The following SLC44A2 variants were observed in gnomAD, a reference collection of about 807,000 sequenced individuals.
The protein encoded by SLC44A2 is solute carrier family 44 member 2 (CTL2 blood group).
In SLC44A2, 57 loss-of-function variants were observed where a neutral mutation model predicts 90.8. The ratio of observed to expected loss-of-function variants is 0.63; its 90% CI spans 0.51 to 0.78. SLC44A2 has a LOEUF of 0.78. Among genes scored for constraint, SLC44A2 ranks in the 30% least tolerant of loss-of-function variants. SLC44A2 has a pLI of 0.00. For synonymous variants in SLC44A2, 355 were observed against 360.7 expected, an observed-to-expected ratio of 0.98 and a Z score of 0.18; for missense variants, 794 against 919.7, an observed-to-expected ratio of 0.86 and a Z score of 1.77.
At chr19:10,634,637 G>A in intron 10 of SLC44A2, 119 bp from the exon 11 acceptor site, 1 of 1,458,134 alleles carries the variant, frequency 6.9e-7, no homozygotes. Flanking sequence ...GGAACTGCAA[G>A]TGTAAAGTCC....
intron 16 of SLC44A2, 108 bp from the exon 17 acceptor site, chr19:10,637,536 G>T: frequency 2.0e-6 from 2 of 982,968 alleles, no homozygotes; most frequent in Non-Finnish European, 1.6e-6. Context: ...TGACAGCGTG[G>T]ACTCAGGAGA....
At chr19:10,630,757 A>G (rs902981345) in intron 4 of SLC44A2, among the ~76,000 whole-genome samples, 4 of 151,680 alleles carry the variant, frequency 2.6e-5, no homozygotes, top group Admixed American at 2.6e-4. Context: ...TAATACCAAC[A>G]CTTTGGGAGG....
chr19:10,623,780 C>T (rs954134260), upstream of SLC44A2, among the ~76,000 whole-genome samples: 12 of 151,740 alleles, frequency 7.9e-5, no homozygotes, highest in Non-Finnish European at 1.3e-4. Flanking sequence ...ACCTCTACCT[C>T]CCAGGTTCAA....
chr19:10,616,787 G>T (rs2066858609), intron 1 of SLC44A2, among the ~76,000 whole-genome samples: 1 of 152,030 alleles, frequency 6.6e-6, no homozygotes, highest in Non-Finnish European at 1.5e-5. Context: ...CTGTTGCCAA[G>T]GCTGTAGTAC....
upstream of SLC44A2, among the ~76,000 whole-genome samples, chr19:10,621,069 T>C (rs8112355): frequency 0.82 from 124,883 of 152,034 alleles, 51,447 homozygotes; most frequent in African/African-American, 0.89. Context: ...GTCATAGGGG[T>C]CAGGTATAGT....
chr19:10,641,588 C>T (rs1328896034), intron 20 of SLC44A2, among the ~76,000 whole-genome samples: 1 of 152,068 alleles, frequency 6.6e-6, no homozygotes, highest in Non-Finnish European at 1.5e-5. Context: ...TGCAGTGGCT[C>T]ATACCTGTAG....
intron 4 of SLC44A2, among the ~76,000 whole-genome samples, chr19:10,629,300 G>A (rs1365153628): frequency 1.2e-4 from 5 of 43,042 alleles, no homozygotes; most frequent in South Asian, 1.4e-3. Flanking sequence ...ATTTTGAAAC[G>A]GAATTTTGCT....
intron 21 of SLC44A2, chr19:10,642,990 A>C: frequency 6.4e-7 from 1 of 1,571,688 alleles, no homozygotes; most frequent in Non-Finnish European, 8.6e-7. Flanking sequence ...AGTGCGGAGG[A>C]GGGGAAGCGG....
chr19:10,625,621 G>C lies in SLC44A2; in HGVS notation c.-13G>C. 8.0e-7 allele frequency: 1 copy of C among 1,246,008 alleles called. No individual in the cohort carries two copies. The allele number at this position is 1,246,008 out of a possible 1,614,324, so 77.2% of individuals were successfully genotyped here. ...AGAGCGCGGGCGGCCGCCGGGGCTG[G>C]TCGCCTGCAGGGATGGGGGACGAGC... On this transcript the variant is annotated 5_prime_UTR_variant, in exon 1 of 22. Transcript: ENST00000335757.
At chr19:10,610,393 G>A (rs1327094150) in intron 1 of SLC44A2, among the ~76,000 whole-genome samples, 4 of 142,914 alleles carry the variant, frequency 2.8e-5, no homozygotes, top group African/African-American at 1.0e-4. Flanking sequence ...GTGCAGTGAC[G>A]TGATCTCGGC....
intron 1 of SLC44A2, among the ~76,000 whole-genome samples, chr19:10,615,910 A>G (rs1176076240): frequency 1.3e-5 from 2 of 152,056 alleles, no homozygotes; most frequent in Non-Finnish European, 2.9e-5. Flanking sequence ...CACACCTGTG[A>G]TCCCAGCACT....
intron 4 of SLC44A2, among the ~76,000 whole-genome samples, chr19:10,629,596 T>G (rs774213839): frequency 5.3e-5 from 8 of 151,068 alleles, no homozygotes; most frequent in Non-Finnish European, 1.2e-4. Context: ...TTATTACTAT[T>G]ATTATTATTT....
chr19:10,631,231 A>G (rs12972963), intron 5 of SLC44A2, 44 bp from the exon 6 acceptor site: 1,256,084 of 1,606,624 alleles, frequency 0.78, 492,213 homozygotes, highest in Admixed American at 0.86. Flanking sequence ...AGTCCTGAGC[A>G]GTCTGCCCCA....
upstream of SLC44A2, among the ~76,000 whole-genome samples, chr19:10,623,977 C>T (rs1285601106): frequency 1.3e-5 from 2 of 151,714 alleles, no homozygotes; most frequent in Non-Finnish European, 2.9e-5. Flanking sequence ...GCATGAACCA[C>T]CACACCCGGC....
At position 10,610,670 on chromosome 19, in the gene SLC44A2, ACTCT is replaced by A. The variant is rs1424442643; in HGVS notation, c.31+8110_31+8113del. On this transcript the variant is annotated intron_variant, in intron 1 of 21. Coordinates refer to the SLC44A2 transcript ENST00000407327. ...TTTTTTTTTTTTGAGATGGAGTTTCACTCTTGTTGCCCAGGCTGGAGTGCAATGG... is the reference window on the plus strand; with the variant it reads ...TTTTTTTTTTTTGAGATGGAGTTTCATGTTGCCCAGGCTGGAGTGCAATGG... 5.6e-5 allele frequency among the ~76,000 whole-genome samples: 3 copies of A among 53,552 alleles called. No individual in the cohort carries two copies. In the East Asian group the frequency reaches 1.7e-3, roughly 30 times the overall value. 35.1% of individuals were successfully genotyped at this position (53,552 alleles called of 152,430 possible).
chr19:10,626,893 GA>G (rs1478935019), intron 2 of SLC44A2, among the ~76,000 whole-genome samples: 61 of 150,768 alleles, frequency 4.0e-4, no homozygotes, highest in Non-Finnish European at 3.1e-4. Context: ...TGACTACTCA[GA>G]GGCTACTCAG....
In SLC44A2 at chr19:10,636,545, C is replaced by G. The variant is rs773842214; in HGVS notation, c.1456C>G (p.Pro486Ala). 5.6e-5 allele frequency: 90 copies of G among 1,607,958 alleles called. No individual in the cohort carries two copies. The highest frequency in any genetic ancestry group is 7.5e-5 in the Non-Finnish European group (88 of 1,178,948). The change falls in exon 15 of 22, where the codon CCG becomes GCG. Residue 486 changes from proline (P) to alanine (A), a missense_variant. Physicochemically the swap from Pro to Ala is conservative, Grantham distance 27. Around this residue, in one of 3 missense-constraint regions of SLC44A2, gnomAD observed 738 missense variants for 841.1 expected, o/e 0.88. Transcript: ENST00000335757. ...YWALRKPDDL[P>A]AFPLFSAFGR... is the part of the protein sequence containing the mutation. ...GGCCCTGCGCAAGCCGGACGACCTG[C>G]CGGCCTTCCCGCTCTTCTCTGCCTT...
chr19:10,610,084 G>A (rs1555756567), intron 1 of SLC44A2, among the ~76,000 whole-genome samples: 1 of 151,308 alleles, frequency 6.6e-6, no homozygotes, highest in South Asian at 2.1e-4. Flanking sequence ...GGGATTACAG[G>A]CGTGAGCCAC....
intron 20 of SLC44A2, among the ~76,000 whole-genome samples, chr19:10,639,377 C>T (rs745388759): frequency 1.8e-4 from 27 of 152,140 alleles, no homozygotes; most frequent in Non-Finnish European, 3.2e-4. Flanking sequence ...CTGGGACATG[C>T]CACGAGTATG....
Sources: gnomAD v4.1 joint callset for allele counts (sites outside exome capture counted in the v4.1 genomes callset) on GRCh38, gnomAD v4.1.1 for gene constraint, gnomAD v4.1.1 regional missense constraint, MANE v1.5 for transcripts, NCBI Gene and HGNC (gene_info 2026-07-23, HGNC 2026-07-21) for gene names.